CDH13: variants seen among roughly 807,000 people sequenced by gnomAD.
CDH13 encodes cadherin 13.
A neutral mutation model predicts 63.8 loss-of-function variants in CDH13; 24 were observed. The ratio of observed to expected loss-of-function variants is 0.38; its 90% CI spans 0.27 to 0.53. CDH13 has a LOEUF of 0.53. CDH13 is among the 20% of genes least tolerant of loss of function. CDH13 has a pLI of 0.85. For synonymous variants in CDH13, 503 were observed against 355.3 expected, an observed-to-expected ratio of 1.42 and a Z score of -4.67; for missense variants, 1,049 against 903.1, an observed-to-expected ratio of 1.16 and a Z score of -2.07.
At chr16:83,439,986 G>A (rs963152870) in intron 6 of CDH13, among the ~76,000 whole-genome samples, 2 of 152,216 alleles carry the variant, frequency 1.3e-5, no homozygotes, top group Non-Finnish European at 2.9e-5. Context: ...TCAAAGGAGA[G>A]AGTAGGGCTG....
At chr16:82,785,930 C>T (rs2035980419) in intron 1 of CDH13, among the ~76,000 whole-genome samples, 1 of 152,210 alleles carries the variant, frequency 6.6e-6, no homozygotes, top group Non-Finnish European at 1.5e-5. Flanking sequence ...GTTCTTATCC[C>T]TGATGCACGT....
intron 7 of CDH13, among the ~76,000 whole-genome samples, chr16:83,500,359 TC>T (rs1445781330): frequency 1.7e-3 from 4 of 2,408 alleles, no homozygotes; most frequent in African/African-American, 1.9e-3. Flanking sequence ...TCCTCCTTCT[TC>T]CTTCTTCCTT....
intron 2 of CDH13, among the ~76,000 whole-genome samples, chr16:82,937,438 GACACACACACACACACAC>G (rs10626791): frequency 6.8e-6 from 1 of 146,858 alleles, no homozygotes; most frequent in East Asian, 2.0e-4. Context: ...CACACACACA[GACACACACACACACACAC>G]ACACAGTCTA....
chr16:82,747,301 C>A (rs1467129122), intron 1 of CDH13, among the ~76,000 whole-genome samples: 1 of 152,108 alleles, frequency 6.6e-6, no homozygotes, highest in Non-Finnish European at 1.5e-5. Context: ...AATTAGAAGA[C>A]CCTCAGGAGT....
chr16:83,150,635 A>T (rs1291721551), intron 4 of CDH13, among the ~76,000 whole-genome samples: 3 of 152,166 alleles, frequency 2.0e-5, no homozygotes, highest in African/African-American at 7.2e-5. Flanking sequence ...CTGTCCTTAT[A>T]GAGCGTTTTT....
intron 7 of CDH13, among the ~76,000 whole-genome samples, chr16:83,576,711 C>T (rs1468531648): frequency 6.6e-6 from 1 of 152,200 alleles, no homozygotes; most frequent in Non-Finnish European, 1.5e-5. Flanking sequence ...ATTCTAGTGT[C>T]TATGAGGTGC....
intron 6 of CDH13, among the ~76,000 whole-genome samples, chr16:83,378,002 T>C (rs896287306): frequency 1.3e-5 from 2 of 152,142 alleles, no homozygotes; most frequent in African/African-American, 4.8e-5. Context: ...ATATCCCTTC[T>C]TCCAGAGAGC....
chr16:83,778,711 G>A (rs1207386929), intron 11 of CDH13, among the ~76,000 whole-genome samples: 2 of 152,182 alleles, frequency 1.3e-5, no homozygotes, highest in East Asian at 1.9e-4. Context: ...TAGCCAGCTA[G>A]TGATCTCATT....
intron 3 of CDH13, among the ~76,000 whole-genome samples, chr16:83,051,372 A>T (rs181093485): frequency 5.3e-5 from 8 of 152,338 alleles, no homozygotes; most frequent in Admixed American, 1.3e-4. Context: ...TGAGGATCAG[A>T]TTAAGAGCTG....
intron 7 of CDH13, among the ~76,000 whole-genome samples, chr16:83,495,433 A>C (rs766453885): frequency 2.0e-5 from 3 of 152,180 alleles, no homozygotes; most frequent in African/African-American, 4.8e-5. Context: ...TATGTAGACG[A>C]AGCCTCCAGG....
intron 11 of CDH13, among the ~76,000 whole-genome samples, chr16:83,774,565 G>C (rs1238492234): frequency 6.6e-6 from 1 of 152,106 alleles, no homozygotes; most frequent in African/African-American, 2.4e-5. Context: ...GTAGAGACAG[G>C]GTTTCGCCAT....
At chr16:83,747,322 C>T (rs573342201) in intron 10 of CDH13, among the ~76,000 whole-genome samples, 5 of 152,206 alleles carry the variant, frequency 3.3e-5, no homozygotes, top group Admixed American at 1.3e-4. Context: ...ATGCTGTTCT[C>T]GTGATAGTGA....
At chr16:83,365,511 G>T (rs1056548642) in intron 6 of CDH13, among the ~76,000 whole-genome samples, 1 of 152,128 alleles carries the variant, frequency 6.6e-6, no homozygotes, top group African/African-American at 2.4e-5. Context: ...ACTGTTGTAG[G>T]CCAAATGTTG....
intron 4 of CDH13, among the ~76,000 whole-genome samples, chr16:83,200,920 A>AGT (rs2039007222): frequency 8.6e-6 from 1 of 116,124 alleles, no homozygotes; most frequent in Non-Finnish European, 1.9e-5. Context: ...TAGTCTTAAA[A>AGT]ATGTGTGTGT....
intron 7 of CDH13, among the ~76,000 whole-genome samples, chr16:83,581,179 A>G (rs1055184777): frequency 6.6e-6 from 1 of 152,214 alleles, no homozygotes; most frequent in African/African-American, 2.4e-5. Context: ...TTGATCCAAC[A>G]AATGCACGTG....
chr16:83,084,009 G>T (rs1421137959), intron 3 of CDH13, among the ~76,000 whole-genome samples: 6 of 152,214 alleles, frequency 3.9e-5, no homozygotes, highest in African/African-American at 1.4e-4. Flanking sequence ...GAAAGCTGCT[G>T]TGGACCTATC....
intron 4 of CDH13, among the ~76,000 whole-genome samples, chr16:83,205,881 G>A (rs183388278): frequency 1.4e-4 from 21 of 152,232 alleles, no homozygotes; most frequent in Admixed American, 6.5e-5. Flanking sequence ...AGGATTATAG[G>A]TGTGAGCCAC....
intron 7 of CDH13, among the ~76,000 whole-genome samples, chr16:83,589,934 C>G (rs542302518): frequency 5.4e-5 from 8 of 147,592 alleles, no homozygotes; most frequent in Admixed American, 2.0e-4. Context: ...TTTCCTGGGG[C>G]TTAGGAGGTG....
chr16:82,683,422 C>G (rs145798495), intron 1 of CDH13, among the ~76,000 whole-genome samples: 2 of 152,312 alleles, frequency 1.3e-5, no homozygotes, highest in East Asian at 3.9e-4. Context: ...CATGAATCTT[C>G]CATAGCCCGA....
Sources: gnomAD v4.1 joint callset for allele counts (sites outside exome capture counted in the v4.1 genomes callset) on GRCh38, gnomAD v4.1.1 for gene constraint, MANE v1.5 for transcripts, NCBI Gene and HGNC (gene_info 2026-07-23, HGNC 2026-07-21) for gene names.